The following LYST variants were observed in gnomAD, a reference collection of about 807,000 sequenced individuals.
The protein encoded by LYST is lysosomal-trafficking regulator.
A neutral mutation model predicts 413.6 loss-of-function variants in LYST; 192 were observed. That is an observed-to-expected ratio of 0.46 (90% CI 0.41 to 0.52). The LOEUF (loss-of-function observed/expected upper bound fraction) is 0.52. Among genes scored for constraint, LYST ranks in the 20% least tolerant of loss-of-function variants. The pLI, the probability that LYST is intolerant of heterozygous loss-of-function variation, is 0.00. For synonymous variants in LYST, 1,525 were observed against 1,567.3 expected, an observed-to-expected ratio of 0.97 and a Z score of 0.64; for missense variants, 3,815 against 4,499.9, an observed-to-expected ratio of 0.85 and a Z score of 4.35.
rs545891776 is a variant in LYST, at chr1:235,878,948, G to A, written n.454+4239C>T. ...TTGTATTACATGGATATATTGAGTAGTGGTGAGGTCTGGGCTGTTAGAGTA... is the reference window on the plus strand; with the variant it reads ...TTGTATTACATGGATATATTGAGTAATGGTGAGGTCTGGGCTGTTAGAGTA... On this transcript the variant is annotated intron_variant and non_coding_transcript_variant, in intron 1 of 11. Coordinates refer to the LYST transcript ENST00000465349. Among the ~76,000 whole-genome samples, 12 of 152,248 alleles carry A rather than the reference G, an allele frequency of 7.9e-5. 1 individual carries two copies. The South Asian group carries it at 2.1e-3, about 26-fold the overall frequency.
rs747407965 is a variant in LYST, at chr1:235,715,208, G to T, written c.9777C>A (p.Ala3259=). The part of the protein sequence containing the change: ...RMPPFTKMFL[A]YQDQSFDIPD... Reference sequence around the variant, plus strand: ...CAGTTATTAAATTCTTACCTTGATAGGCTAAAAACATTTTAGTGAAAGGAG... The same window carrying T: ...CAGTTATTAAATTCTTACCTTGATATGCTAAAAACATTTTAGTGAAAGGAG... The change falls in exon 42 of 53, where the codon GCC becomes GCA. Residue 3259 remains alanine (A), a synonymous_variant. Coordinates refer to ENST00000389793, the MANE Select transcript of LYST (RefSeq NM_000081.4). 5.0e-6 allele frequency: 8 copies of T among 1,613,718 alleles called. No individual in the cohort carries two copies. Among genetic ancestry groups the T allele is most frequent in the Non-Finnish European group, 6.8e-6 (8 of 1,179,862 alleles).
chr1:235,810,351 C>G lies in LYST; in HGVS notation c.467G>C (p.Arg156Thr). Residue 156 changes from arginine to threonine, a missense_variant, in exon 5 of 53, where the codon AGA becomes ACA. This residue lies in a region of LYST where 1,648 missense variants were observed against 1,810.3 expected (regional missense o/e 0.91). Coordinates refer to ENST00000389793, the MANE Select transcript of LYST (RefSeq NM_000081.4). ...GGAGAGCTGTGTCTTTCTTGCATCT[C>G]TTACAGAATAGCGATGGGTAATTTT... Reference protein sequence around the residue: ...QRKITHRYSVRDARKTQLSTS... With the variant: ...QRKITHRYSVTDARKTQLSTS... 1 of 1,614,116 alleles carries G rather than the reference C, an allele frequency of 6.2e-7. No homozygotes were observed. The highest frequency in any genetic ancestry group is 1.1e-5 in the South Asian group (1 of 91,084).
intron 3 of LYST, among the ~76,000 whole-genome samples, chr1:235,822,583 A>C (rs1674873674): frequency 6.6e-6 from 1 of 152,242 alleles, no homozygotes; most frequent in South Asian, 2.1e-4. Context: ...CCCTGAGGTC[A>C]TGATGGAATA....
intron 50 of LYST, among the ~76,000 whole-genome samples, chr1:235,667,770 C>G (rs1658614085): frequency 6.6e-6 from 1 of 152,014 alleles, no homozygotes; most frequent in South Asian, 2.1e-4. Flanking sequence ...TCAAGCGATT[C>G]TCCTGCCTCA....
intron 36 of LYST, among the ~76,000 whole-genome samples, chr1:235,730,632 G>A (rs1664304472): frequency 6.8e-6 from 1 of 146,966 alleles, no homozygotes; most frequent in African/African-American, 2.5e-5. Context: ...AACTAACAAG[G>A]GCCAGAACAT....
At position 235,755,460 on chromosome 1, in the gene LYST, A is replaced by C. The variant is rs753980951; in HGVS notation, c.7229+18T>G. On this transcript the variant is annotated intron_variant, in intron 25 of 52. Transcript: ENST00000389793. ...GACAAAAGATTCCCAATTATAGTGG[A>C]GGGAAGAACACACTTACTCTTCATC... The C allele has an allele frequency of 4.4e-6, 7 of 1,581,092 alleles. No homozygotes were observed. In the Admixed American group the frequency reaches 5.0e-5, roughly 11 times the overall value.
chr1:235,837,285 G>C (rs1676676603), intron 1 of LYST, among the ~76,000 whole-genome samples: 1 of 152,128 alleles, frequency 6.6e-6, no homozygotes, highest in Non-Finnish European at 1.5e-5. Flanking sequence ...CCAGAAACCA[G>C]GTGAAGAAAG....
chr1:235,756,939 T>C (rs1262093176), intron 24 of LYST, among the ~76,000 whole-genome samples: 1 of 152,146 alleles, frequency 6.6e-6, no homozygotes, highest in Non-Finnish European at 1.5e-5. Flanking sequence ...GAACCACGTA[T>C]TCCTTGTAAT....
intron 1 of LYST, among the ~76,000 whole-genome samples, chr1:235,850,173 T>C (rs1381930750): frequency 2.0e-5 from 3 of 152,006 alleles, no homozygotes; most frequent in Admixed American, 6.6e-5. Context: ...GGTATAAAAA[T>C]AGGCACATAG....
chr1:235,778,141 T>C lies in LYST; in HGVS notation c.5215-833A>G, dbSNP rs189548067. Reference sequence around the variant, plus strand: ...TATATATTTTTGTAGAGACATGGTCTTGTTATGTTGCCCAGGCTAGTCTCA... The same window carrying C: ...TATATATTTTTGTAGAGACATGGTCCTGTTATGTTGCCCAGGCTAGTCTCA... On this transcript the variant is annotated intron_variant, in intron 16 of 52. Coordinates refer to ENST00000389793, the MANE Select transcript of LYST (RefSeq NM_000081.4). 5.2e-3 allele frequency among the ~76,000 whole-genome samples: 741 copies of C among 142,638 alleles called. 12 individuals are homozygous for C. The highest frequency in any genetic ancestry group is 0.02 in the African/African-American group (685 of 33,424). The allele number at this position is 142,638 out of a possible 152,430, so 93.6% of individuals were successfully genotyped here. A position where few individuals can be genotyped will look rare whatever the true frequency, so the allele number is the denominator to read the frequency against.
intron 50 of LYST, among the ~76,000 whole-genome samples, chr1:235,668,669 A>G (rs528027371): frequency 6.6e-6 from 1 of 152,238 alleles, no homozygotes; most frequent in African/African-American, 2.4e-5. Flanking sequence ...ACAAAATTCA[A>G]CTCCCTCAGG....
intron 1 of LYST, among the ~76,000 whole-genome samples, chr1:235,872,397 C>T (rs1274362672): frequency 6.6e-6 from 1 of 151,544 alleles, no homozygotes; most frequent in African/African-American, 2.4e-5. Context: ...TGCTTAGATT[C>T]AATGAAGAAT....
chr1:235,809,556 G>A lies in LYST; in HGVS notation c.1262C>T (p.Ser421Leu). 1 of 1,614,056 alleles carries A rather than the reference G, an allele frequency of 6.2e-7. No individual in the cohort carries two copies. The highest frequency in any genetic ancestry group is 8.5e-7 in the Non-Finnish European group (1 of 1,179,964). ...ILICCLQSAA[S>L]NPFYFSQAMD... Reference sequence around the variant, plus strand: ...GGCTTGACTGAAGTAGAAGGGATTTGAAGCTGCACTTTGAAGACAACAGAT... The same window carrying A: ...GGCTTGACTGAAGTAGAAGGGATTTAAAGCTGCACTTTGAAGACAACAGAT... Residue 421 changes from serine to leucine, a missense_variant, in exon 5 of 53, where the codon TCA (serine) becomes TTA (leucine). By Grantham distance (145) the Ser-to-Leu change is moderately radical (BLOSUM62 -2). Transcript: ENST00000389793. The surrounding 1 kb of genome is among the most constrained non-coding windows in gnomAD (Gnocchi z 4.0).
chr1:235,868,964 G>T (rs1347171016), upstream of LYST, among the ~76,000 whole-genome samples: 1 of 151,998 alleles, frequency 6.6e-6, no homozygotes, highest in Non-Finnish European at 1.5e-5. Context: ...CAAAGTGCTG[G>T]GATTACAGGC....
Position 235,730,857 on chromosome 1 carries a change from C to T in LYST, c.9034G>A (p.Glu3012Lys). ...SSTVKDKAAS[E>K]SIRVNRRCIS... ...TTGATTCAAAGTTACCTTATAGATT[C>T]ACTTGCAGCTTTGTCTTTGACAGTA... Residue 3012 changes from glutamate (E) to lysine (K), a missense_variant, in exon 36 of 53, where the codon GAA becomes AAA. By Grantham distance (56) the Glu-to-Lys change is moderately conservative (BLOSUM62 1). Transcript: ENST00000389793. 3.7e-6 allele frequency: 6 copies of T among 1,602,840 alleles called. No individual in the cohort carries two copies. Among genetic ancestry groups the T allele is most frequent in the Non-Finnish European group, 5.1e-6 (6 of 1,169,902 alleles).
At position 235,809,956 on chromosome 1, in the gene LYST, T is replaced by C. The variant is rs746248700; in HGVS notation, c.862A>G (p.Thr288Ala). 1 of 1,613,938 alleles carries C rather than the reference T, an allele frequency of 6.2e-7. No individual in the cohort carries two copies. Among genetic ancestry groups the C allele is most frequent in the South Asian group, 1.1e-5 (1 of 91,078 alleles). Residue 288 changes from threonine to alanine, a missense_variant, in exon 5 of 53, where the codon ACA (threonine) becomes GCA (alanine). Physicochemically the swap from Thr to Ala is moderately conservative, Grantham distance 58 (BLOSUM62 0). Coordinates refer to ENST00000389793, the MANE Select transcript of LYST (RefSeq NM_000081.4). The surrounding 1 kb of genome is among the most constrained non-coding windows in gnomAD (Gnocchi z 4.0). ...AAGCCTGCTAGGAATTCAGTTAGTG[T>C]GGGCACTACACTGGCTGCTAAAGGA... ...NSPLAASVVP[T>A]LTEFLAGFGD... is the part of the protein sequence containing the mutation.
chr1:235,864,648 G>C (rs1250779607), intron 1 of LYST, among the ~76,000 whole-genome samples: 1 of 152,200 alleles, frequency 6.6e-6, no homozygotes, highest in East Asian at 1.9e-4. Flanking sequence ...AGGCAAGCCT[G>C]GGGCCGAGCG....
chr1:235,802,220 A>T (rs940535219), intron 8 of LYST, among the ~76,000 whole-genome samples: 1 of 147,388 alleles, frequency 6.8e-6, no homozygotes, highest in African/African-American at 2.6e-5. Flanking sequence ...AAAAAAAAAA[A>T]CTAGCAGTAC....
chr1:235,764,495 CTTTTTTTTTTTTTTT>C (rs1020736833), intron 21 of LYST, among the ~76,000 whole-genome samples: 1 of 97,948 alleles, frequency 1.0e-5, no homozygotes, highest in Non-Finnish European at 2.1e-5. Context: ...TTTTTCTTTT[CTTTTTTTTTTTTTTT>C]TTTTTTGAGA....
Sources: allele counts gnomAD v4.1 joint callset (sites outside exome capture counted in the v4.1 genomes callset), GRCh38; gene constraint gnomAD v4.1.1; regional missense constraint gnomAD v4.1.1; non-coding constraint Gnocchi (gnomAD v3.1); transcripts MANE v1.5; gene names NCBI Gene and HGNC (gene_info 2026-07-23, HGNC 2026-07-21).